Variants in CFAP47 observed in about 807,000 individuals in gnomAD.
CFAP47 encodes the protein cilia and flagella associated protein 47, also known as cilia- and flagella-associated protein 47.
CFAP47 carries 29 observed loss-of-function variants against 148.1 expected under a neutral mutation model. That is an observed-to-expected ratio of 0.20 (90% CI 0.15 to 0.27). The LOEUF is 0.27. Ranked by LOEUF, CFAP47 falls within the 10% of genes least tolerant of loss-of-function variation. The pLI is 1.00. For synonymous variants in CFAP47, 664 were observed against 577.3 expected, an observed-to-expected ratio of 1.15 and a Z score of -2.15; for missense variants, 1,872 against 1,697.5, an observed-to-expected ratio of 1.10 and a Z score of -1.81.
chrX:36,360,774 C>T (rs1297021045), intron 60 of CFAP47, among the ~76,000 whole-genome samples: 1 of 111,810 alleles, frequency 8.9e-6, no homozygotes, highest in African/African-American at 3.2e-5. Flanking sequence ...GTAACCTACT[C>T]ATTAAGAAAA....
intron 57 of CFAP47, among the ~76,000 whole-genome samples, chrX:36,327,334 A>T (rs886467831): frequency 1.8e-5 from 2 of 112,451 alleles, no homozygotes; most frequent in African/African-American, 6.5e-5. Flanking sequence ...TCAAAAGAAG[A>T]TGTAAAAGTA....
At chrX:36,016,542 T>C (rs1937097462) in intron 22 of CFAP47, among the ~76,000 whole-genome samples, 1 of 111,106 alleles carries the variant, frequency 9.0e-6, no homozygotes, top group Non-Finnish European at 1.9e-5. Flanking sequence ...ACATTTTCTT[T>C]ATCCAGTAAT....
At chrX:35,955,774 C>G (rs1378729036) in intron 7 of CFAP47, among the ~76,000 whole-genome samples, 187 bp from the exon 8 acceptor site, 1 of 112,673 alleles carries the variant, frequency 8.9e-6, no homozygotes, top group Non-Finnish European at 1.9e-5. Flanking sequence ...GGAATGTTGT[C>G]TCTTTTATTC....
intron 15 of CFAP47, among the ~76,000 whole-genome samples, 176 bp downstream of exon 15, chrX:35,976,089 GAACCCTTGTTAGGGTTCTCCAGAGAA>G (rs759297203): frequency 9.0e-6 from 1 of 110,978 alleles, no homozygotes; most frequent in East Asian, 2.8e-4. Context: ...TGGAAATATG[GAACCCTTGTTAGGGTTCTCCAGAGAA>G]ACAGACCAAC....
chrX:36,166,106 G>T (rs1275199813), intron 39 of CFAP47, among the ~76,000 whole-genome samples: 2 of 111,316 alleles, frequency 1.8e-5, no homozygotes, highest in Admixed American at 9.6e-5. Context: ...TGTTCGCATG[G>T]ATTGTTGCTA....
At chrX:36,341,849 T>C (rs1941656404) in intron 57 of CFAP47, among the ~76,000 whole-genome samples, 2 of 110,928 alleles carry the variant, frequency 1.8e-5, no homozygotes, top group Non-Finnish European at 3.8e-5. Flanking sequence ...TTAAAATATA[T>C]ATACATGTGT....
intron 49 of CFAP47, among the ~76,000 whole-genome samples, chrX:36,255,360 A>C (rs1222409247): frequency 8.9e-6 from 1 of 112,459 alleles, no homozygotes; most frequent in Non-Finnish European, 1.9e-5. Context: ...TGTTTAGCAG[A>C]GGTAGAAACT....
intron 45 of CFAP47, among the ~76,000 whole-genome samples, chrX:36,220,301 G>A (rs1555990637): frequency 2.7e-5 from 3 of 110,819 alleles, no homozygotes; most frequent in Non-Finnish European, 3.8e-5. Flanking sequence ...ATGCATATGC[G>A]TGTATTCCGA....
At chrX:35,945,817 T>C (rs773897613) in intron 3 of CFAP47, among the ~76,000 whole-genome samples, 1 of 110,471 alleles carries the variant, frequency 9.1e-6, no homozygotes, top group Admixed American at 9.7e-5. Context: ...GAAATGAAAA[T>C]TTGATCACAA....
intron 26 of CFAP47, among the ~76,000 whole-genome samples, chrX:36,064,426 T>A (rs927395013): frequency 8.9e-6 from 1 of 112,206 alleles, no homozygotes; most frequent in African/African-American, 3.2e-5. Context: ...ATATCAATGT[T>A]TATATCAATG....
At chrX:36,348,320 T>C in intron 58 of CFAP47, 32 bp downstream of exon 58, 1 of 866,736 alleles carries the variant, frequency 1.2e-6, no homozygotes, top group Non-Finnish European at 1.5e-6. Flanking sequence ...TGAAGGAAAA[T>C]AATTTTATTT....
chrX:36,164,098 G>A (rs765683860), intron 39 of CFAP47, among the ~76,000 whole-genome samples: 18 of 111,132 alleles, frequency 1.6e-4, no homozygotes, highest in African/African-American at 4.6e-4. Context: ...GTTTTATGGC[G>A]TATCATAAGG....
chrX:35,932,156 C>T (rs1935836878), intron 2 of CFAP47, among the ~76,000 whole-genome samples: 1 of 109,715 alleles, frequency 9.1e-6, no homozygotes, highest in South Asian at 4.0e-4. Flanking sequence ...TCTAATGATC[C>T]TCCCTCCTCA....
intron 29 of CFAP47, among the ~76,000 whole-genome samples, chrX:36,079,659 A>C (rs1937935975): frequency 9.0e-6 from 1 of 111,649 alleles, no homozygotes; most frequent in Non-Finnish European, 1.9e-5. Flanking sequence ...GTTATTACTG[A>C]CTTTCTGAAG....
At position 36,236,751 on chromosome X, in the gene CFAP47, G is replaced by T. The variant is rs1052708132; in HGVS notation, c.7224G>T (p.Gly2408=). 2 of 525,022 alleles carry T rather than the reference G, an allele frequency of 3.8e-6. No homozygotes were observed. The highest frequency in any genetic ancestry group is 7.0e-6 in the Non-Finnish European group (2 of 286,644). 43.3% of individuals were successfully genotyped at this position (525,022 alleles called of 1,213,427 possible). A position where few individuals can be genotyped will look rare whatever the true frequency, so the allele number is the denominator to read the frequency against. The part of the protein sequence containing the change: ...REHIFDIKGV[G]KKPSALEHIT... ...ACATCTTTGACATAAAAGGGGTTGGGAAAAAACCTTCGGCCTTGGAACACA... is the reference window on the plus strand; with the variant it reads ...ACATCTTTGACATAAAAGGGGTTGGTAAAAAACCTTCGGCCTTGGAACACA... The change falls in exon 48 of 64, where the codon GGG becomes GGT. Residue 2408 remains glycine, a synonymous_variant. Transcript: ENST00000378653.
At chrX:36,072,530 G>A (rs1051948860) in intron 28 of CFAP47, among the ~76,000 whole-genome samples, 1 of 111,819 alleles carries the variant, frequency 8.9e-6, no homozygotes, top group Admixed American at 9.5e-5. Flanking sequence ...TATTTCTCTG[G>A]ATGTAGGTAA....
chrX:36,101,659 A>T (rs1033288754), intron 32 of CFAP47, among the ~76,000 whole-genome samples: 2 of 111,551 alleles, frequency 1.8e-5, no homozygotes, highest in African/African-American at 6.5e-5. Flanking sequence ...AGAGACTCCA[A>T]ATAAGTGTTA....
chrX:35,975,480 C>G, intron 14 of CFAP47, 117 bp downstream of exon 14: 1 of 610,880 alleles, frequency 1.6e-6, no homozygotes, highest in Non-Finnish European at 2.5e-6. Context: ...AACATAGAAG[C>G]TATATGTGCA....
At chrX:36,211,744 T>C in intron 45 of CFAP47, 1 of 207,492 alleles carries the variant, frequency 4.8e-6, no homozygotes, top group Non-Finnish European at 9.3e-6. Context: ...GATAAGTTGC[T>C]TCTAGTGTAG....
Sources: gnomAD v4.1 joint callset for allele counts (sites outside exome capture counted in the v4.1 genomes callset) on GRCh38, gnomAD v4.1.1 for gene constraint, MANE v1.5 for transcripts, NCBI Gene and HGNC (gene_info 2026-07-23, HGNC 2026-07-21) for gene names.